EPB41L1: variants seen among roughly 807,000 people sequenced by gnomAD.
The protein encoded by EPB41L1 is erythrocyte membrane protein band 4.1 like 1, also known as band 4.1-like protein 1.
Under a neutral mutation model 97.8 loss-of-function variants are expected in EPB41L1, and 29 were observed. The ratio of observed to expected loss-of-function variants is 0.30; its 90% CI spans 0.22 to 0.40. The LOEUF (loss-of-function observed/expected upper bound fraction) is 0.40, where lower values mean the gene tolerates loss of function less well. Among genes scored for constraint, EPB41L1 ranks in the 10% least tolerant of loss-of-function variants. EPB41L1 has a pLI of 1.00. For synonymous variants in EPB41L1, 383 were observed against 459.2 expected, an observed-to-expected ratio of 0.83 and a Z score of 2.12; for missense variants, 812 against 1,162.3, an observed-to-expected ratio of 0.70 and a Z score of 4.38.
chr20:36,154,945 C>T lies in EPB41L1; in HGVS notation c.-15+49C>T. ...GGCTCTCGGGGCCGGGGGCTTGCAA[C>T]ATCTAGGCCCAGCCTCCAGCCCTGG... On this transcript the variant is annotated intron_variant, in intron 1 of 21. Transcript: ENST00000338074. The surrounding 1 kb of genome is among the most constrained non-coding windows in gnomAD (Gnocchi z 5.5). 1 of 1,126,962 alleles carries T rather than the reference C, an allele frequency of 8.9e-7. No homozygotes were observed. The highest frequency in any genetic ancestry group is 1.1e-6 in the Non-Finnish European group (1 of 905,990). The allele number at this position is 1,126,962 out of a possible 1,614,324, so 69.8% of individuals were successfully genotyped here.
Position 36,190,374 on chromosome 20 carries a change from G to A in EPB41L1, c.1124G>A (p.Arg375Gln). 6.2e-7 allele frequency: 1 copy of A among 1,613,866 alleles called. No homozygotes were observed. The highest frequency in any genetic ancestry group is 8.5e-7 in the Non-Finnish European group (1 of 1,179,924). ...TGCATCGAGCATCATACATTCTTCCGGTGAGCCTGACCTTGGATGGGGTAA... is the reference window on the plus strand; with the variant it reads ...TGCATCGAGCATCATACATTCTTCCAGTGAGCCTGACCTTGGATGGGGTAA... ...KVCIEHHTFF[R>Q]LVSPEPPPKG... Residue 375 changes from arginine to glutamine, a missense_variant and splice_region_variant, in exon 10 of 22, where the codon CGG becomes CAG. Around this residue, in one of 3 missense-constraint regions of EPB41L1, gnomAD observed 230 missense variants for 445.2 expected, o/e 0.52. Coordinates refer to ENST00000338074, the MANE Select transcript of EPB41L1 (RefSeq NM_012156.2). The surrounding 1 kb of genome is among the most constrained non-coding windows in gnomAD (Gnocchi z 5.8).
At chr20:36,166,735 T>G (rs2060752912) in intron 1 of EPB41L1, among the ~76,000 whole-genome samples, 1 of 152,064 alleles carries the variant, frequency 6.6e-6, no homozygotes, top group African/African-American at 2.4e-5. Context: ...CGTGGCTGTG[T>G]GCACCTGTAG....
intron 17 of EPB41L1, among the ~76,000 whole-genome samples, chr20:36,218,536 G>C (rs748780790): frequency 6.6e-6 from 1 of 152,202 alleles, no homozygotes; most frequent in Non-Finnish European, 1.5e-5. Context: ...CAAGTCACAT[G>C]GCTTGAAGGT....
intron 1 of EPB41L1, among the ~76,000 whole-genome samples, chr20:36,170,492 C>T (rs530166651): frequency 2.0e-5 from 3 of 152,238 alleles, no homozygotes; most frequent in South Asian, 2.1e-4. Flanking sequence ...TGATTTTTTA[C>T]GTTTTTTTCC....
In EPB41L1 at chr20:36,212,520, T is replaced by A; in HGVS notation, c.2184+144T>A. The stretch of plus-strand genomic sequence containing the variant: ...ATATGTTAATCCTGATGCTCTCCTG[T>A]GCCTCAGTGTCCTCTCTGAGCTCTG... On this transcript the variant is annotated intron_variant, in intron 16 of 21. Transcript: ENST00000338074. The surrounding 1 kb of genome is among the most constrained non-coding windows in gnomAD (Gnocchi z 4.8). 1 of 711,324 alleles carries A rather than the reference T, an allele frequency of 1.4e-6. No individual in the cohort carries two copies. Among genetic ancestry groups the A allele is most frequent in the Non-Finnish European group, 2.4e-6 (1 of 409,536 alleles). 44.1% of individuals were successfully genotyped at this position (711,324 alleles called of 1,614,324 possible). A position where few individuals can be genotyped will look rare whatever the true frequency, so the allele number is the denominator to read the frequency against.
At chr20:36,113,408 TTGTGTGTG>T (rs3057822) in intron 2 of EPB41L1, among the ~76,000 whole-genome samples, 5,140 of 143,496 alleles carry the variant, frequency 0.036, 143 homozygotes, top group South Asian at 0.14. Context: ...AACTTTCCAT[TTGTGTGTG>T]TGTGTGTGTG....
chr20:36,106,173 G>A (rs764624525), intron 1 of EPB41L1, among the ~76,000 whole-genome samples: 2 of 152,210 alleles, frequency 1.3e-5, no homozygotes, highest in Non-Finnish European at 2.9e-5. Flanking sequence ...GGGAACTAAG[G>A]ATGGTGCCAC....
Position 36,229,393 on chromosome 20 carries a change from T to G in EPB41L1, c.*53T>G. On this transcript the variant is annotated 3_prime_UTR_variant, in exon 22 of 22. Transcript: ENST00000338074. ...GGTCCAACCCAAGCCAGAGAACCAT[T>G]AAGAAGGGGCCTTCATTCTGGATTC... The G allele has an allele frequency of 6.3e-7, 1 of 1,594,832 alleles. No homozygotes were observed.
At chr20:36,165,771 A>C (rs964363789) in intron 1 of EPB41L1, among the ~76,000 whole-genome samples, 1 of 152,214 alleles carries the variant, frequency 6.6e-6, no homozygotes, top group African/African-American at 2.4e-5. Context: ...CTGAAGCAGC[A>C]GTGGTCCCAG....
chr20:36,122,531 T>C, intron 2 of EPB41L1: 1 of 153,022 alleles, frequency 6.5e-6, no homozygotes, highest in Non-Finnish European at 1.5e-5. Flanking sequence ...GCACAGAGAC[T>C]GGTTTGGCAG....
chr20:36,225,211 G>A (rs1299561946), intron 21 of EPB41L1, among the ~76,000 whole-genome samples: 6 of 152,188 alleles, frequency 3.9e-5, no homozygotes, highest in South Asian at 2.1e-4. Context: ...GGCCATGGGC[G>A]GAGCCTACCT....
chr20:36,162,361 C>T (rs2060567507), intron 1 of EPB41L1, among the ~76,000 whole-genome samples: 1 of 152,242 alleles, frequency 6.6e-6, no homozygotes, highest in Non-Finnish European at 1.5e-5. Flanking sequence ...GGTTATATGG[C>T]TTACAGCAAG....
chr20:36,159,644 T>C (rs1231311977), intron 1 of EPB41L1, among the ~76,000 whole-genome samples: 1 of 152,230 alleles, frequency 6.6e-6, no homozygotes, highest in Non-Finnish European at 1.5e-5. Context: ...ATGAGTGAAC[T>C]AATCAAGAGG....
At position 36,120,682 on chromosome 20, in the gene EPB41L1, C is replaced by T. The variant is rs188817364; in HGVS notation, c.-10+8202C>T. On this transcript the variant is annotated intron_variant, in intron 2 of 19. Coordinates refer to the EPB41L1 transcript ENST00000202028. ...ATGGATTCTGCCTCCAGCTGCTCCT[C>T]CACTGGGTCCTGATTTAGTCCGCAA... Among the ~76,000 whole-genome samples the T allele has an allele frequency of 2.0e-5, 3 of 152,266 alleles. No homozygotes were observed. The East Asian group carries it at 5.8e-4, about 29-fold the overall frequency.
intron 8 of EPB41L1, 137 bp from the exon 9 acceptor site, chr20:36,188,210 C>T (rs1022400187): frequency 1.5e-5 from 18 of 1,172,932 alleles, no homozygotes; most frequent in Non-Finnish European, 2.2e-5. Context: ...GTCAGTGGGA[C>T]TCCAGCATGG....
Position 36,195,570 on chromosome 20 carries a change from C to T in EPB41L1, c.1485+206C>T, listed in dbSNP as rs955680179. Among the ~76,000 whole-genome samples the T allele has an allele frequency of 3.3e-5, 5 of 152,162 alleles. No individual in the cohort carries two copies. The South Asian group carries it at 8.3e-4, about 25-fold the overall frequency. The stretch of plus-strand genomic sequence containing the variant: ...TTCTCTCTCCAGCTCCCTTCTTAGA[C>T]TCTCCTGGCCAATCGGCCATCTCTC... On this transcript the variant is annotated intron_variant, in intron 13 of 21. Transcript: ENST00000338074. The surrounding 1 kb of genome is among the most constrained non-coding windows in gnomAD (Gnocchi z 4.6).
intron 8 of EPB41L1, 75 bp from the exon 9 acceptor site, chr20:36,188,272 G>A (rs1435591298): frequency 4.4e-6 from 7 of 1,604,548 alleles, no homozygotes; most frequent in Middle Eastern, 2.2e-4. Flanking sequence ...ACAGGGCAGT[G>A]TTTTCGGGGT....
Position 36,190,142 on chromosome 20 carries a change from C to T in EPB41L1, c.1027-135C>T. 1 of 738,130 alleles carries T rather than the reference C, an allele frequency of 1.4e-6. No individual in the cohort carries two copies. The highest frequency in any genetic ancestry group is 1.6e-5 in the South Asian group (1 of 62,320). The allele number at this position is 738,130 out of a possible 1,614,324, so 45.7% of individuals were successfully genotyped here. On this transcript the variant is annotated intron_variant, in intron 9 of 21. Coordinates refer to ENST00000338074, the MANE Select transcript of EPB41L1 (RefSeq NM_012156.2). The surrounding 1 kb of genome is among the most constrained non-coding windows in gnomAD (Gnocchi z 5.8). ...AGTGAGCTATGATTGCGCCACTGTA[C>T]TCCACCCTGGGCAAATGATCGAGAC...
rs190277136 is a variant in EPB41L1 at position 36,161,931 on chromosome 20, G to C, written c.-15+7035G>C. On this transcript the variant is annotated intron_variant, in intron 1 of 21. Coordinates refer to ENST00000338074, the MANE Select transcript of EPB41L1 (RefSeq NM_012156.2). ...GCACCCCACCATGCCCGGCTAATTT[G>C]GGGGGGGCACAGGGTAAAGACAGTG... Among the ~76,000 whole-genome samples the C allele has an allele frequency of 6.6e-3, 988 of 148,648 alleles. 11 individuals carry two copies. The highest frequency in any genetic ancestry group is 0.025 in the African/African-American group (945 of 38,532).
Sources: allele counts gnomAD v4.1 joint callset (sites outside exome capture counted in the v4.1 genomes callset), GRCh38; gene constraint gnomAD v4.1.1; regional missense constraint gnomAD v4.1.1; non-coding constraint Gnocchi (gnomAD v3.1); transcripts MANE v1.5; gene names NCBI Gene and HGNC (gene_info 2026-07-23, HGNC 2026-07-21).